PDLIM4: variants seen among roughly 807,000 people sequenced by gnomAD.
PDLIM4 encodes the protein PDZ and LIM domain 4.
In PDLIM4, 19 loss-of-function variants were observed where a neutral mutation model predicts 31.3. That is an observed-to-expected ratio of 0.61 (90% CI 0.42 to 0.89). The LOEUF (loss-of-function observed/expected upper bound fraction) is 0.89. PDLIM4 is among the 40% of genes least tolerant of loss of function. The pLI, the probability that PDLIM4 is intolerant of heterozygous loss-of-function variation, is 0.00. For missense variants in PDLIM4, 442 were observed against 461.1 expected (o/e 0.96, Z 0.38); for synonymous variants, 176 against 190.1 (o/e 0.93, Z 0.61).
intron 1 of PDLIM4, among the ~76,000 whole-genome samples, chr5:132,261,148 A>C (rs1200156321): frequency 6.6e-6 from 1 of 151,904 alleles, no homozygotes; most frequent in Non-Finnish European, 1.5e-5. Context: ...GGCACAAGGC[A>C]GGTATCCATG....
At chr5:132,258,708 A>C (rs1756301530) in intron 1 of PDLIM4, among the ~76,000 whole-genome samples, 1 of 152,166 alleles carries the variant, frequency 6.6e-6, no homozygotes, top group Admixed American at 6.5e-5. Context: ...TCCCCAGCCT[A>C]AGGGACAGAA....
chr5:132,261,024 C>T lies in PDLIM4; in HGVS notation c.94-1585C>T, dbSNP rs537825497. 1.9e-4 allele frequency among the ~76,000 whole-genome samples: 29 copies of T among 152,348 alleles called. No individual in the cohort carries two copies. In the East Asian group the frequency reaches 5.4e-3, roughly 28 times the overall value. On this transcript the variant is annotated intron_variant, in intron 1 of 6. Transcript: ENST00000253754. ...GGGGACTGGGGCATGGCATCCCTCC[C>T]CCAAGCTTCTTTCTCTTCATCTGTA... is the stretch of plus-strand genomic sequence containing the variant.
At chr5:132,263,808 G>C (rs1205136538) in intron 2 of PDLIM4, among the ~76,000 whole-genome samples, 2 of 152,218 alleles carry the variant, frequency 1.3e-5, no homozygotes, top group Admixed American at 1.3e-4. Flanking sequence ...GGAGAGGCCT[G>C]TGAGGTCAGC....
At chr5:132,258,018 G>T (rs950252426) in intron 1 of PDLIM4, among the ~76,000 whole-genome samples, 191 bp downstream of exon 1, 2 of 152,182 alleles carry the variant, frequency 1.3e-5, no homozygotes, top group Admixed American at 1.3e-4. Context: ...CCCACGCTGG[G>T]CCTGTCTGCC....
At chr5:132,267,359 C>T (rs1756513761) in intron 3 of PDLIM4, among the ~76,000 whole-genome samples, 1 of 152,220 alleles carries the variant, frequency 6.6e-6, no homozygotes, top group Non-Finnish European at 1.5e-5. Context: ...GAAGGATGTG[C>T]CCCAGCTTCT....
chr5:132,272,102 A>G lies in PDLIM4; in HGVS notation c.866A>G (p.Lys289Arg). The change falls in exon 7 of 7, where the codon AAG (lysine) becomes AGG (arginine). Residue 289 changes from lysine (K) to arginine (R), a missense_variant. Physicochemically the swap from Lys to Arg is conservative, Grantham distance 26 (BLOSUM62 2). Coordinates refer to ENST00000253754, the MANE Select transcript of PDLIM4 (RefSeq NM_003687.4). ...TGCAGTGACTGCGGCCTGAACCTCA[A>G]GCAGCGTGGTTACTTCTTTCTGGAC... ...FMCSDCGLNL[K>R]QRGYFFLDER... The G allele has an allele frequency of 6.2e-7, 1 of 1,614,212 alleles. No individual in the cohort carries two copies. Among genetic ancestry groups the G allele is most frequent in the Non-Finnish European group, 8.5e-7 (1 of 1,180,012 alleles).
At chr5:132,264,888 T>G (rs1756456283) in intron 2 of PDLIM4, among the ~76,000 whole-genome samples, 1 of 152,032 alleles carries the variant, frequency 6.6e-6, no homozygotes, top group Admixed American at 6.6e-5. Flanking sequence ...TGCCCTCTTG[T>G]GTACAGAGAG....
At chr5:132,269,402 G>T (rs1756557336) in intron 3 of PDLIM4, among the ~76,000 whole-genome samples, 1 of 151,320 alleles carries the variant, frequency 6.6e-6, no homozygotes, top group Non-Finnish European at 1.5e-5. Context: ...AGCCCTGCCT[G>T]CATGCTTGCC....
At chr5:132,266,039 C>T (rs983291995) in intron 2 of PDLIM4, among the ~76,000 whole-genome samples, 2 of 152,202 alleles carry the variant, frequency 1.3e-5, no homozygotes, top group Non-Finnish European at 2.9e-5. Flanking sequence ...ACGCCTGACC[C>T]CACACCCCAC....
At chr5:132,264,638 C>G (rs539061333) in intron 2 of PDLIM4, among the ~76,000 whole-genome samples, 2 of 152,096 alleles carry the variant, frequency 1.3e-5, no homozygotes, top group South Asian at 4.1e-4. Context: ...GCCACCTTGA[C>G]TTTCTGAGCC....
intron 1 of PDLIM4, among the ~76,000 whole-genome samples, chr5:132,260,649 T>C (rs1756354474): frequency 6.6e-6 from 1 of 152,224 alleles, no homozygotes; most frequent in Non-Finnish European, 1.5e-5. Flanking sequence ...GTTAAGAGCA[T>C]AGTTTTAAAT....
rs1304984116 is a variant in PDLIM4, at chr5:132,257,715, G to A, written c.-20G>A. The A allele has an allele frequency of 6.9e-7, 1 of 1,443,600 alleles. No individual in the cohort carries two copies. Among genetic ancestry groups the A allele is most frequent in the East Asian group, 3.1e-5 (1 of 32,744 alleles). The allele number at this position is 1,443,600 out of a possible 1,614,324, so 89.4% of individuals were successfully genotyped here. Reference sequence around the variant, plus strand: ...CTCCTCAGAGTCCGGCTCAGGCTCCGGCTGCGGCTCCAGCCCGCGATGCCC... The same window carrying A: ...CTCCTCAGAGTCCGGCTCAGGCTCCAGCTGCGGCTCCAGCCCGCGATGCCC... On this transcript the variant is annotated 5_prime_UTR_variant, in exon 1 of 7. Transcript: ENST00000253754. This position sits in a 1 kb window ranked among gnomAD's most constrained non-coding sequence, Gnocchi z 4.3.
chr5:132,272,286 ATGTTTCACCC>A lies in PDLIM4; in HGVS notation c.*61_*70del, dbSNP rs1472329296. ...AGGTCCCTGCTCGGCCGGTGTAAAT[ATGTTTCACCC>A]TGTCCCTCTAATAAAGCTCCTCTGC... On this transcript the variant is annotated 3_prime_UTR_variant, in exon 7 of 7. Coordinates refer to ENST00000253754, the MANE Select transcript of PDLIM4 (RefSeq NM_003687.4). 4 of 1,391,968 alleles carry A rather than the reference ATGTTTCACCC, an allele frequency of 2.9e-6. No homozygotes were observed. The Admixed American group carries it at 5.3e-5, about 18-fold the overall frequency. 86.2% of individuals were successfully genotyped at this position (1,391,968 alleles called of 1,614,324 possible).
intron 1 of PDLIM4, 118 bp from the exon 2 acceptor site, chr5:132,262,491 G>A (rs1756395793): frequency 3.2e-6 from 3 of 952,246 alleles, no homozygotes; most frequent in Non-Finnish European, 4.5e-6. Flanking sequence ...CCCATCCACA[G>A]GCCATGCTGG....
At chr5:132,267,527 G>A (rs1235476896) in intron 3 of PDLIM4, among the ~76,000 whole-genome samples, 5 of 152,210 alleles carry the variant, frequency 3.3e-5, no homozygotes, top group African/African-American at 9.6e-5. Flanking sequence ...GGCCAAAGGA[G>A]CCCAGAGTAG....
chr5:132,262,793 A>G, intron 2 of PDLIM4, 33 bp downstream of exon 2: 1 of 1,589,460 alleles, frequency 6.3e-7, no homozygotes, highest in South Asian at 1.1e-5. Flanking sequence ...GGGAGGATGG[A>G]AGGACGAGGT....
In PDLIM4 at chr5:132,257,847, G is replaced by T; in HGVS notation, c.93+20G>T. The T allele has an allele frequency of 7.3e-7, 1 of 1,376,728 alleles. No individual in the cohort carries two copies. The highest frequency in any genetic ancestry group is 9.7e-7 in the Non-Finnish European group (1 of 1,036,234). The allele number at this position is 1,376,728 out of a possible 1,614,324, so 85.3% of individuals were successfully genotyped here. A position where few individuals can be genotyped will look rare whatever the true frequency, so the allele number is the denominator to read the frequency against. ...TCACGGGTGAGTCTGGCGGCTGCGT[G>T]GCGGCAGGGCGGTCCCATGTCTGAG... On this transcript the variant is annotated intron_variant, in intron 1 of 6. Transcript: ENST00000253754. This position sits in a 1 kb window ranked among gnomAD's most constrained non-coding sequence, Gnocchi z 4.3.
chr5:132,269,801 G>A (rs1407078169), intron 3 of PDLIM4, among the ~76,000 whole-genome samples: 1 of 152,154 alleles, frequency 6.6e-6, no homozygotes, highest in Non-Finnish European at 1.5e-5. Context: ...CCTACCCCAT[G>A]GCCTGGCCTC....
chr5:132,259,761 G>A (rs71583466), intron 1 of PDLIM4, among the ~76,000 whole-genome samples: 17,981 of 152,202 alleles, frequency 0.12, 1,253 homozygotes, highest in East Asian at 0.24. Flanking sequence ...GGAGGCTATC[G>A]GCCCGGCAGG....
Sources: gnomAD v4.1 joint callset for allele counts (sites outside exome capture counted in the v4.1 genomes callset) on GRCh38, gnomAD v4.1.1 for gene constraint, Gnocchi (gnomAD v3.1) non-coding constraint, MANE v1.5 for transcripts, NCBI Gene and HGNC (gene_info 2026-07-23, HGNC 2026-07-21) for gene names.